ERN1: variants seen among roughly 807,000 people sequenced by gnomAD.
ERN1 encodes serine/threonine-protein kinase/endoribonuclease IRE1.
Under a neutral mutation model 113.1 loss-of-function variants are expected in ERN1, and 39 were observed. That is an observed-to-expected ratio of 0.34 (90% CI 0.27 to 0.45). The LOEUF (loss-of-function observed/expected upper bound fraction) is 0.45. ERN1 is among the 20% of genes least tolerant of loss of function. The probability of loss-of-function intolerance (pLI) is 1.00; values close to 1 mark genes in which losing one functional copy is unlikely to be tolerated. For missense variants in ERN1, 976 were observed against 1,274.8 expected (o/e 0.77, Z 3.57); for synonymous variants, 507 against 515.9 (o/e 0.98, Z 0.23).
intron 12 of ERN1, 25 bp from the exon 13 acceptor site, chr17:64,055,973 A>G (rs1287082038): frequency 1.3e-6 from 2 of 1,516,640 alleles, no homozygotes; most frequent in Non-Finnish European, 1.8e-6. Flanking sequence ...CCACATCCAG[A>G]CAAGGGCAGC....
Position 64,053,342 on chromosome 17 carries a change from G to T in ERN1, c.1983C>A (p.Leu661=). The T allele has an allele frequency of 1.2e-6, 2 of 1,611,178 alleles. No individual in the cohort carries two copies. Among genetic ancestry groups the T allele is most frequent in the South Asian group, 2.2e-5 (2 of 90,862 alleles). Residue 661 remains leucine, a synonymous_variant, in exon 16 of 22, where the codon CTC becomes CTA. Coordinates refer to ENST00000433197, the MANE Select transcript of ERN1 (RefSeq NM_001433.5). ...EYVEQKDFAH[L]GLEPITLLQQ... is the part of the protein sequence containing the mutation. ...GCAGCAAGGTGATGGGCTCCAGGCCGAGATGCGCAAAGTCCTTCTGCTCCA... is the reference window on the plus strand; with the variant it reads ...GCAGCAAGGTGATGGGCTCCAGGCCTAGATGCGCAAAGTCCTTCTGCTCCA...
chr17:64,083,457 A>T (rs1047604430), intron 2 of ERN1, among the ~76,000 whole-genome samples: 2 of 152,212 alleles, frequency 1.3e-5, no homozygotes, highest in African/African-American at 4.8e-5. Flanking sequence ...GGATGTAAAC[A>T]AATACTGCTG....
chr17:64,049,316 G>GA lies in ERN1; in HGVS notation c.2254-115dup. 1 of 1,112,326 alleles carries GA rather than the reference G, an allele frequency of 9.0e-7. No homozygotes were observed. Among genetic ancestry groups the GA allele is most frequent in the South Asian group, 1.7e-5 (1 of 58,080 alleles). 68.9% of individuals were successfully genotyped at this position (1,112,326 alleles called of 1,614,324 possible). ...CTGCCACCTAGAAGGTGTCCTGGGA[G>GA]AATCAGCTGACATATGTGAGCTGCA... On this transcript the variant is annotated intron_variant, in intron 17 of 21. Coordinates refer to ENST00000433197, the MANE Select transcript of ERN1 (RefSeq NM_001433.5). The surrounding 1 kb of genome is among the most constrained non-coding windows in gnomAD (Gnocchi z 4.7).
chr17:64,102,359 AG>A (rs1248257015), intron 1 of ERN1, among the ~76,000 whole-genome samples: 1 of 152,254 alleles, frequency 6.6e-6, no homozygotes, highest in Non-Finnish European at 1.5e-5. Context: ...TACAAAGTTT[AG>A]AGAGAAGCTG....
At chr17:64,128,414 T>G (rs75592880) in intron 1 of ERN1, among the ~76,000 whole-genome samples, 7,269 of 152,178 alleles carry the variant, frequency 0.048, 241 homozygotes, top group African/African-American at 0.087. Context: ...AAATACAAAT[T>G]GGAAATATTT....
At chr17:64,126,723 T>C (rs1191049484) in intron 1 of ERN1, among the ~76,000 whole-genome samples, 1 of 152,180 alleles carries the variant, frequency 6.6e-6, no homozygotes, top group African/African-American at 2.4e-5. Context: ...AAACACTTGA[T>C]ATCGCCTATT....
At position 64,054,108 on chromosome 17, in the gene ERN1, T is replaced by A. The variant is rs1912775822; in HGVS notation, c.1953+142A>T. 1 of 699,004 alleles carries A rather than the reference T, an allele frequency of 1.4e-6. No homozygotes were observed. The highest frequency in any genetic ancestry group is 2.3e-6 in the Non-Finnish European group (1 of 437,156). 43.3% of individuals were successfully genotyped at this position (699,004 alleles called of 1,614,324 possible). A position where few individuals can be genotyped will look rare whatever the true frequency, so the allele number is the denominator to read the frequency against. On this transcript the variant is annotated intron_variant, in intron 15 of 21. Coordinates refer to ENST00000433197, the MANE Select transcript of ERN1 (RefSeq NM_001433.5). This position sits in a 1 kb window ranked among gnomAD's most constrained non-coding sequence, Gnocchi z 4.9. The stretch of plus-strand genomic sequence containing the variant: ...GAACACATCGCTAGGCCTGGCTAAT[T>A]TTTGGTTTCTTTGTAGAGATGGGGT...
chr17:64,056,159 G>A (rs1309082329), intron 12 of ERN1, among the ~76,000 whole-genome samples: 1 of 152,176 alleles, frequency 6.6e-6, no homozygotes, highest in African/African-American at 2.4e-5. Flanking sequence ...TGCTCATACA[G>A]CCCACTCCCC....
At chr17:64,094,094 C>T (rs759238233) in intron 2 of ERN1, among the ~76,000 whole-genome samples, 4 of 152,204 alleles carry the variant, frequency 2.6e-5, no homozygotes, top group East Asian at 1.9e-4. Flanking sequence ...ACTAATTATC[C>T]GAGGCTATAG....
At chr17:64,126,942 C>T (rs1346900400) in intron 1 of ERN1, among the ~76,000 whole-genome samples, 1 of 152,016 alleles carries the variant, frequency 6.6e-6, no homozygotes, top group East Asian at 1.9e-4. Flanking sequence ...GGTACTTTGC[C>T]TCACATTGTA....
Position 64,054,927 on chromosome 17 carries a change from A to C in ERN1, c.1673-99T>G. On this transcript the variant is annotated intron_variant, in intron 13 of 21. Transcript: ENST00000433197. The surrounding 1 kb of genome is among the most constrained non-coding windows in gnomAD (Gnocchi z 4.9). ...AAGCTTCCTGACCTCAGATTAAAAG[A>C]TGGGATTTAAGAGGCACTGCACCCC... 1.0e-6 allele frequency: 1 copy of C among 960,690 alleles called. No homozygotes were observed. The highest frequency in any genetic ancestry group is 1.6e-6 in the Non-Finnish European group (1 of 640,678). 59.5% of individuals were successfully genotyped at this position (960,690 alleles called of 1,614,324 possible).
intron 2 of ERN1, among the ~76,000 whole-genome samples, chr17:64,082,564 T>C (rs558705855): frequency 6.6e-6 from 1 of 152,362 alleles, no homozygotes; most frequent in African/African-American, 2.4e-5. Flanking sequence ...TAAGAGGACA[T>C]GGCCAAATTC....
At chr17:64,080,634 C>T (rs1913737461) in intron 3 of ERN1, 141 bp downstream of exon 3, 4 of 695,640 alleles carry the variant, frequency 5.8e-6, no homozygotes, top group African/African-American at 1.8e-5. Context: ...TTCATCATAG[C>T]ACCTGTAAGA....
chr17:64,101,886 G>A (rs976818764), intron 1 of ERN1, among the ~76,000 whole-genome samples: 1 of 152,174 alleles, frequency 6.6e-6, no homozygotes, highest in East Asian at 1.9e-4. Context: ...TTTGCTACTA[G>A]TGGAAGCACT....
intron 7 of ERN1, 39 bp from the exon 8 acceptor site, chr17:64,066,971 C>T (rs761573457): frequency 3.1e-5 from 50 of 1,598,482 alleles, no homozygotes; most frequent in Non-Finnish European, 4.0e-5. Flanking sequence ...TGAGTCTCAC[C>T]CCATCTTGCA....
chr17:64,097,976 G>A (rs1914274525), intron 2 of ERN1, 145 bp downstream of exon 2: 2 of 1,038,034 alleles, frequency 1.9e-6, no homozygotes, highest in Non-Finnish European at 2.8e-6. Flanking sequence ...TGAGCAGAAT[G>A]CCTTTTCCTC....
At chr17:64,104,089 T>A (rs1000570070) in intron 1 of ERN1, among the ~76,000 whole-genome samples, 3 of 150,712 alleles carry the variant, frequency 2.0e-5, no homozygotes, top group Non-Finnish European at 3.0e-5. Context: ...AAAAAAAAAA[T>A]TAATTTGCCA....
At chr17:64,078,997 C>T (rs778250503) in intron 4 of ERN1, among the ~76,000 whole-genome samples, 7 of 152,114 alleles carry the variant, frequency 4.6e-5, no homozygotes, top group Non-Finnish European at 1.0e-4. Context: ...CAAAGTGAGA[C>T]CCTGTCTCAA....
chr17:64,109,963 T>C (rs1567884451), intron 1 of ERN1, among the ~76,000 whole-genome samples: 1 of 152,178 alleles, frequency 6.6e-6, no homozygotes, highest in Non-Finnish European at 1.5e-5. Flanking sequence ...GTTGGATCTT[T>C]TGGATGAGAC....
Sources: allele counts gnomAD v4.1 joint callset (sites outside exome capture counted in the v4.1 genomes callset), GRCh38; gene constraint gnomAD v4.1.1; non-coding constraint Gnocchi (gnomAD v3.1); transcripts MANE v1.5; gene names NCBI Gene and HGNC (gene_info 2026-07-23, HGNC 2026-07-21).